The following SHC4 variants were observed in gnomAD, a reference collection of about 807,000 sequenced individuals.
SHC4 encodes SHC-transforming protein 4.
SHC4 carries 41 observed loss-of-function variants against 69.4 expected under a neutral mutation model. The observed-to-expected ratio is 0.59, with a 90% confidence interval of 0.46 to 0.77. SHC4 has a LOEUF of 0.77. SHC4 is among the 30% of genes least tolerant of loss of function. SHC4 has a pLI of 0.00. For missense variants in SHC4, 777 were observed against 783.8 expected, an observed-to-expected ratio of 0.99 and a Z score of 0.10; for synonymous variants, 318 against 299.3, an observed-to-expected ratio of 1.06 and a Z score of -0.64.
In SHC4 at chr15:48,962,708, C is replaced by A; in HGVS notation, c.308G>T (p.Ser103Ile). ...GGTACCCAGGCAAAAGTTTTTCAGA[C>A]TCAGCAAAGTGGCCGGGTTGGCCAG... Reference protein sequence around the residue: ...MKLANPATLLSLKNFCLGTKE... With the variant: ...MKLANPATLLILKNFCLGTKE... Residue 103 changes from serine (S) to isoleucine (I), a missense_variant, in exon 1 of 12, where the codon AGT becomes ATT. Coordinates refer to ENST00000332408, the MANE Select transcript of SHC4 (RefSeq NM_203349.4). 6.2e-7 allele frequency: 1 copy of A among 1,614,120 alleles called. No homozygotes were observed. Among genetic ancestry groups the A allele is most frequent in the Non-Finnish European group, 8.5e-7 (1 of 1,180,036 alleles).
At chr15:48,838,571 G>A (rs1898938146) in intron 10 of SHC4, among the ~76,000 whole-genome samples, 1 of 152,104 alleles carries the variant, frequency 6.6e-6, no homozygotes, top group African/African-American at 2.4e-5. Flanking sequence ...ATGAGAGAGA[G>A]GTTCAGATAG....
At chr15:48,941,989 C>T (rs1306887942) in intron 1 of SHC4, among the ~76,000 whole-genome samples, 1 of 152,076 alleles carries the variant, frequency 6.6e-6, no homozygotes, top group Non-Finnish European at 1.5e-5. Flanking sequence ...TAAATGAGAA[C>T]ATGCAGTATT....
intron 6 of SHC4, among the ~76,000 whole-genome samples, chr15:48,864,308 A>G (rs905175944): frequency 2.6e-5 from 4 of 151,968 alleles, no homozygotes; most frequent in African/African-American, 9.7e-5. Context: ...AATTTGACCC[A>G]AACTCTTCCT....
chr15:48,936,098 C>T (rs1901064608), intron 1 of SHC4, among the ~76,000 whole-genome samples: 2 of 152,042 alleles, frequency 1.3e-5, no homozygotes, highest in South Asian at 4.2e-4. Context: ...GTTGTATCCC[C>T]AACACCTAGA....
At chr15:48,940,515 G>A (rs1469407119) in intron 1 of SHC4, among the ~76,000 whole-genome samples, 2 of 151,988 alleles carry the variant, frequency 1.3e-5, no homozygotes, top group African/African-American at 2.4e-5. Flanking sequence ...TAGACAAACA[G>A]CAGCTCCATC....
chr15:48,908,644 G>A (rs1046397936), intron 2 of SHC4, among the ~76,000 whole-genome samples: 3 of 152,164 alleles, frequency 2.0e-5, no homozygotes, highest in African/African-American at 7.2e-5. Flanking sequence ...GTTTAGAAGA[G>A]TTTTTCCAAT....
At chr15:48,875,788 T>C (rs1174787788) in intron 4 of SHC4, among the ~76,000 whole-genome samples, 1 of 152,174 alleles carries the variant, frequency 6.6e-6, no homozygotes, top group East Asian at 1.9e-4. Context: ...ACTACTCAGG[T>C]CAAAGAGGTC....
intron 9 of SHC4, among the ~76,000 whole-genome samples, chr15:48,844,163 C>T (rs889832402): frequency 1.3e-5 from 2 of 152,158 alleles, no homozygotes; most frequent in African/African-American, 4.8e-5. Flanking sequence ...AGCCTTGCAC[C>T]AATTGCTGAT....
chr15:48,942,243 C>A (rs1019638569), intron 1 of SHC4, among the ~76,000 whole-genome samples: 1 of 152,114 alleles, frequency 6.6e-6, no homozygotes, highest in Non-Finnish European at 1.5e-5. Context: ...GTCCCAACCC[C>A]TTTATTTCCA....
At chr15:48,839,807 T>G (rs62009452) in intron 10 of SHC4, among the ~76,000 whole-genome samples, 5,612 of 152,322 alleles carry the variant, frequency 0.037, 172 homozygotes, top group Non-Finnish European at 0.052. Context: ...AAGGCAAATA[T>G]GTTCTATGTG....
intron 6 of SHC4, among the ~76,000 whole-genome samples, chr15:48,861,973 C>G (rs1899452902): frequency 1.3e-5 from 2 of 151,920 alleles, no homozygotes; most frequent in South Asian, 4.2e-4. Context: ...ACTTAGAAAA[C>G]CAGAAATTCA....
intron 4 of SHC4, chr15:48,876,478 CATACACACATACAT>C: frequency 2.2e-6 from 1 of 448,486 alleles, no homozygotes; most frequent in East Asian, 3.3e-5. Context: ...CGTATATACA[CATACACACATACAT>C]ATACACATAT....
chr15:48,888,980 G>A (rs912657521), intron 3 of SHC4, among the ~76,000 whole-genome samples: 1 of 151,440 alleles, frequency 6.6e-6, no homozygotes, highest in African/African-American at 2.4e-5. Flanking sequence ...AAAGCCTAAA[G>A]TGCTGGAAAG....
intron 9 of SHC4, among the ~76,000 whole-genome samples, chr15:48,846,581 C>G (rs1301074695): frequency 1.3e-5 from 2 of 152,126 alleles, no homozygotes; most frequent in Non-Finnish European, 2.9e-5. Flanking sequence ...GGGAATGGTG[C>G]CACTTCATGA....
chr15:48,834,714 G>A, intron 11 of SHC4, 55 bp downstream of exon 11: 3 of 1,594,510 alleles, frequency 1.9e-6, no homozygotes. Flanking sequence ...AATCATTCAG[G>A]GTATGCTTAA....
chr15:48,871,929 C>A, intron 5 of SHC4, 160 bp downstream of exon 5: 1 of 538,160 alleles, frequency 1.9e-6, no homozygotes. Context: ...TTATTATCTG[C>A]TACATGTAGC....
At chr15:48,899,624 G>A (rs757594028) in intron 2 of SHC4, among the ~76,000 whole-genome samples, 1 of 151,134 alleles carries the variant, frequency 6.6e-6, no homozygotes, top group Non-Finnish European at 1.5e-5. Context: ...AAGGCTATTT[G>A]GCAAATATGT....
chr15:48,878,145 A>T (rs1279889499), intron 4 of SHC4: 1 of 1,518,980 alleles, frequency 6.6e-7, no homozygotes, highest in East Asian at 2.3e-5. Context: ...TCTTGCTGGA[A>T]GCTTTTTCCT....
At chr15:48,878,084 A>C (rs1006783777) in intron 4 of SHC4, 3 of 1,479,254 alleles carry the variant, frequency 2.0e-6, no homozygotes, top group African/African-American at 2.8e-5. Context: ...GGGGTTACGC[A>C]AGCGCGCAGC....
Sources: allele counts gnomAD v4.1 joint callset (sites outside exome capture counted in the v4.1 genomes callset), GRCh38; gene constraint gnomAD v4.1.1; transcripts MANE v1.5; gene names NCBI Gene and HGNC (gene_info 2026-07-23, HGNC 2026-07-21).